Variants in FSHR observed in about 807,000 individuals in gnomAD.
FSHR encodes the protein follicle-stimulating hormone receptor.
A neutral mutation model predicts 52.1 loss-of-function variants in FSHR; 46 were observed. The ratio of observed to expected loss-of-function variants is 0.88; its 90% CI spans 0.70 to 1.13. FSHR has a LOEUF of 1.13. FSHR is among the 50% of genes most tolerant of loss of function. The probability of loss-of-function intolerance (pLI) is 0.00; values close to 1 mark genes in which losing one functional copy is unlikely to be tolerated. For synonymous variants in FSHR, 399 were observed against 309.6 expected, an observed-to-expected ratio of 1.29 and a Z score of -3.03; for missense variants, 964 against 834.6, an observed-to-expected ratio of 1.16 and a Z score of -1.91.
intron 3 of FSHR, among the ~76,000 whole-genome samples, chr2:49,019,320 T>C (rs1667610297): frequency 1.3e-5 from 2 of 152,206 alleles, no homozygotes; most frequent in Admixed American, 1.3e-4. Flanking sequence ...TCCCTGAGTT[T>C]TTAGTGATAC....
chr2:49,132,311 CT>C (rs1377383754), intron 1 of FSHR, among the ~76,000 whole-genome samples: 1 of 152,192 alleles, frequency 6.6e-6, no homozygotes, highest in African/African-American at 2.4e-5. Context: ...ATGTTCAGGA[CT>C]GTAAATACTC....
At chr2:49,014,482 C>G (rs930586663) in intron 4 of FSHR, among the ~76,000 whole-genome samples, 4 of 152,048 alleles carry the variant, frequency 2.6e-5, no homozygotes, top group African/African-American at 9.7e-5. Context: ...CTCTGTTCTC[C>G]CTCTCTCCCT....
chr2:49,041,449 A>G (rs143407423), intron 2 of FSHR, among the ~76,000 whole-genome samples: 1 of 152,180 alleles, frequency 6.6e-6, no homozygotes, highest in African/African-American at 2.4e-5. Context: ...TAGAAAATGG[A>G]AATTGTAATT....
In FSHR at chr2:49,154,252, C is replaced by G; in HGVS notation, c.152+14G>C. The G allele has an allele frequency of 1.2e-6, 2 of 1,613,294 alleles. No homozygotes were observed. The highest frequency in any genetic ancestry group is 1.7e-6 in the Non-Finnish European group (2 of 1,179,376). On this transcript the variant is annotated intron_variant, in intron 1 of 9. Transcript: ENST00000406846. ...GCCAGCCATGCAGTTGTTCCCCCTCCCTCTGATACTCACAGTTCAATGGCA... is the reference window on the plus strand; with the variant it reads ...GCCAGCCATGCAGTTGTTCCCCCTCGCTCTGATACTCACAGTTCAATGGCA...
intron 2 of FSHR, among the ~76,000 whole-genome samples, chr2:49,038,926 T>A (rs1278007935): frequency 2.0e-5 from 3 of 152,134 alleles, no homozygotes; most frequent in African/African-American, 7.2e-5. Flanking sequence ...CTAAAGAAAT[T>A]GTAATGATAA....
chr2:49,153,745 C>G (rs1254744590), intron 1 of FSHR, among the ~76,000 whole-genome samples: 3 of 152,080 alleles, frequency 2.0e-5, no homozygotes, highest in Non-Finnish European at 4.4e-5. Context: ...CACACCTTTT[C>G]TCTTCTCTAC....
intron 4 of FSHR, among the ~76,000 whole-genome samples, chr2:49,004,877 G>A (rs1233375790): frequency 1.3e-5 from 2 of 152,084 alleles, no homozygotes; most frequent in African/African-American, 4.8e-5. Context: ...TTGTAAGAAG[G>A]CATATCCTAT....
At chr2:49,033,653 T>G (rs549712976) in intron 2 of FSHR, among the ~76,000 whole-genome samples, 1 of 152,098 alleles carries the variant, frequency 6.6e-6, no homozygotes, top group South Asian at 2.1e-4. Context: ...ATGGCGAGCC[T>G]TTCACCCTGC....
chr2:48,971,564 T>A (rs1674743395), intron 8 of FSHR, among the ~76,000 whole-genome samples: 1 of 152,196 alleles, frequency 6.6e-6, no homozygotes. Flanking sequence ...CTTTGTTAGG[T>A]GTGTGTGCAT....
intron 1 of FSHR, among the ~76,000 whole-genome samples, chr2:49,149,477 G>A (rs1672983689): frequency 6.6e-6 from 1 of 152,078 alleles, no homozygotes; most frequent in African/African-American, 2.4e-5. Context: ...CCTGATGGCT[G>A]GGGTTGGATA....
At chr2:49,115,831 T>C (rs567953851) in intron 1 of FSHR, among the ~76,000 whole-genome samples, 1 of 152,238 alleles carries the variant, frequency 6.6e-6, no homozygotes, top group East Asian at 1.9e-4. Context: ...AATGTTACTG[T>C]CAAGGACCTC....
chr2:49,096,022 T>C (rs1670811173), intron 1 of FSHR, among the ~76,000 whole-genome samples: 1 of 152,176 alleles, frequency 6.6e-6, no homozygotes, highest in African/African-American at 2.4e-5. Context: ...GTAGTAGAAA[T>C]GTAAATTAAT....
At chr2:49,140,536 C>T (rs1280480513) in intron 1 of FSHR, among the ~76,000 whole-genome samples, 1 of 151,832 alleles carries the variant, frequency 6.6e-6, no homozygotes, top group Admixed American at 6.6e-5. Flanking sequence ...CAAGAATGGC[C>T]TAACACTACA....
chr2:49,089,523 C>G (rs1670523300), intron 1 of FSHR, among the ~76,000 whole-genome samples: 1 of 152,142 alleles, frequency 6.6e-6, no homozygotes, highest in African/African-American at 2.4e-5. Flanking sequence ...AACACAGAGA[C>G]TCTTCATTAA....
intron 6 of FSHR, among the ~76,000 whole-genome samples, chr2:48,985,282 A>C (rs1675444721): frequency 6.6e-6 from 1 of 152,172 alleles, no homozygotes; most frequent in African/African-American, 2.4e-5. Flanking sequence ...TCTCATCCTA[A>C]AGAGTGGAGG....
intron 3 of FSHR, among the ~76,000 whole-genome samples, chr2:49,018,910 A>G (rs575880082): frequency 1.3e-5 from 2 of 152,346 alleles, no homozygotes; most frequent in African/African-American, 4.8e-5. Flanking sequence ...AATGATAAAA[A>G]TAAATTCATC....
chr2:49,079,854 A>G (rs1038583786), intron 1 of FSHR, among the ~76,000 whole-genome samples: 1 of 152,182 alleles, frequency 6.6e-6, no homozygotes, highest in Non-Finnish European at 1.5e-5. Context: ...AAATTGAAAA[A>G]TTAATAAATT....
intron 1 of FSHR, among the ~76,000 whole-genome samples, chr2:49,093,202 A>G (rs377076105): frequency 3.9e-5 from 6 of 152,306 alleles, no homozygotes; most frequent in East Asian, 3.9e-4. Flanking sequence ...GGAAATATCA[A>G]TTAGATTTAG....
intron 2 of FSHR, among the ~76,000 whole-genome samples, chr2:49,058,952 T>C (rs1207966693): frequency 6.6e-6 from 1 of 152,214 alleles, no homozygotes; most frequent in Non-Finnish European, 1.5e-5. Context: ...CCCACACTTG[T>C]AACTCCAGCA....
Sources: allele counts gnomAD v4.1 joint callset (sites outside exome capture counted in the v4.1 genomes callset), GRCh38; gene constraint gnomAD v4.1.1; transcripts MANE v1.5; gene names NCBI Gene and HGNC (gene_info 2026-07-23, HGNC 2026-07-21).